Variants in UPRT observed in about 807,000 individuals in gnomAD.
The protein encoded by UPRT is uracil phosphoribosyltransferase homolog, also known as RP11-311P8.3.
UPRT carries 5 observed loss-of-function variants against 22.6 expected under a neutral mutation model. That is an observed-to-expected ratio of 0.22 (90% CI 0.12 to 0.47). The LOEUF (loss-of-function observed/expected upper bound fraction) is 0.47. Ranked by LOEUF, UPRT falls within the 20% of genes least tolerant of loss-of-function variation. UPRT has a pLI of 0.99. For synonymous variants in UPRT, 77 were observed against 87.7 expected, an observed-to-expected ratio of 0.88 and a Z score of 0.68; for missense variants, 181 against 239.9, an observed-to-expected ratio of 0.75 and a Z score of 1.62.
chrX:75,193,843 C>T (rs1050166683), intron 4 of UPRT, among the ~76,000 whole-genome samples: 2 of 111,405 alleles, frequency 1.8e-5, no homozygotes, highest in Non-Finnish European at 3.8e-5. Flanking sequence ...TTTCATCTAT[C>T]AGCTTCTGTA....
intron 4 of UPRT, among the ~76,000 whole-genome samples, chrX:75,184,556 G>A (rs1347112935): frequency 1.9e-5 from 2 of 108,085 alleles, no homozygotes; most frequent in Non-Finnish European, 3.8e-5. Flanking sequence ...TTCCAATTCT[G>A]TGAAGAAAGG....
intron 4 of UPRT, among the ~76,000 whole-genome samples, chrX:75,205,998 AGTT>A (rs1404910945): frequency 9.0e-6 from 1 of 111,635 alleles, no homozygotes; most frequent in Non-Finnish European, 1.9e-5. Flanking sequence ...GAGTTTGGTT[AGTT>A]GTTGTTTTAA....
chrX:75,212,817 T>C (rs1189035424), intron 4 of UPRT, among the ~76,000 whole-genome samples: 1 of 111,324 alleles, frequency 9.0e-6, no homozygotes, highest in Non-Finnish European at 1.9e-5. Context: ...AACATCAGGG[T>C]AAATAGCTAA....
chrX:75,183,613 G>A (rs1480460718), intron 4 of UPRT, among the ~76,000 whole-genome samples: 4 of 111,909 alleles, frequency 3.6e-5, no homozygotes, highest in Non-Finnish European at 7.5e-5. Flanking sequence ...CTTCCAAAAT[G>A]ATTGAACTAC....
chrX:75,236,466 AC>A (rs1199336793), intron 4 of UPRT, among the ~76,000 whole-genome samples: 1 of 111,678 alleles, frequency 9.0e-6, no homozygotes, highest in Non-Finnish European at 1.9e-5. Flanking sequence ...TTCATATGGA[AC>A]CAAAAAGGAG....
intron 1 of UPRT, among the ~76,000 whole-genome samples, chrX:75,284,982 G>A (rs1035133706): frequency 3.2e-4 from 36 of 111,141 alleles, no homozygotes; most frequent in African/African-American, 8.5e-4. Context: ...TGTGGCTGCC[G>A]TAGGGGATGG....
chrX:75,186,910 G>A (rs1315562464), intron 4 of UPRT, among the ~76,000 whole-genome samples: 1 of 111,532 alleles, frequency 9.0e-6, no homozygotes, highest in East Asian at 2.8e-4. Context: ...TTGAGCCTAT[G>A]TGTGTCTCTG....
intron 4 of UPRT, among the ~76,000 whole-genome samples, chrX:75,173,355 C>T (rs2082235389): frequency 9.0e-6 from 1 of 110,974 alleles, no homozygotes; most frequent in Non-Finnish European, 1.9e-5. Context: ...ATTTACAATC[C>T]TTGAGCTAGA....
intron 4 of UPRT, among the ~76,000 whole-genome samples, chrX:75,190,387 C>T (rs187640736): frequency 1.3e-4 from 14 of 111,881 alleles, no homozygotes; most frequent in Non-Finnish European, 2.6e-4. Context: ...GTAACCCGAC[C>T]TTTCTCTCTG....
chrX:75,247,394 T>A (rs2082510523), intron 4 of UPRT, among the ~76,000 whole-genome samples: 1 of 111,601 alleles, frequency 9.0e-6, no homozygotes, highest in African/African-American at 3.3e-5. Flanking sequence ...ATAATGTCCT[T>A]TTCCAATGGG....
chrX:75,303,309 C>T (rs959631824), intron 6 of UPRT, 96 bp from the exon 7 acceptor site: 2 of 587,480 alleles, frequency 3.4e-6, no homozygotes, highest in East Asian at 7.0e-5. Context: ...TCTGTCTTCT[C>T]TCAATTTTAG....
intron 4 of UPRT, among the ~76,000 whole-genome samples, chrX:75,186,209 C>G (rs1207782932): frequency 9.0e-6 from 1 of 110,554 alleles, no homozygotes; most frequent in East Asian, 2.8e-4. Flanking sequence ...CCCAGAGATT[C>G]TGGTATGGTG....
intron 4 of UPRT, among the ~76,000 whole-genome samples, chrX:75,186,121 C>G: frequency 9.0e-6 from 1 of 110,838 alleles, no homozygotes; most frequent in East Asian, 2.8e-4. Context: ...GTTAGGGTGT[C>G]AATTTTGGAT....
At chrX:75,254,698 A>T (rs752712678) in intron 4 of UPRT, among the ~76,000 whole-genome samples, 1 of 111,511 alleles carries the variant, frequency 9.0e-6, no homozygotes, top group African/African-American at 3.2e-5. Flanking sequence ...AATTCGCCTC[A>T]AAAAGATCAT....
intron 4 of UPRT, among the ~76,000 whole-genome samples, chrX:75,235,536 C>G (rs898076450): frequency 9.0e-6 from 1 of 111,684 alleles, no homozygotes; most frequent in African/African-American, 3.3e-5. Context: ...AACATTGATG[C>G]AAAAATCCTC....
At chrX:75,303,376 C>A in intron 6 of UPRT, 29 bp from the exon 7 acceptor site, 1 of 1,131,001 alleles carries the variant, frequency 8.8e-7, no homozygotes, top group Non-Finnish European at 1.2e-6. Context: ...CCAAAACATC[C>A]TACCATAATA....
chrX:75,182,203 G>A (rs978418501), intron 4 of UPRT, among the ~76,000 whole-genome samples: 3 of 112,206 alleles, frequency 2.7e-5, no homozygotes, highest in African/African-American at 9.7e-5. Context: ...TGGGGATAAA[G>A]CGTACTTGAT....
At chrX:75,262,935 C>G (rs1359643467) in intron 4 of UPRT, among the ~76,000 whole-genome samples, 1 of 111,469 alleles carries the variant, frequency 9.0e-6, no homozygotes, top group African/African-American at 3.3e-5. Flanking sequence ...GACTTGAACT[C>G]AGCTCTGGAC....
At chrX:75,234,612 G>A (rs1157628263) in intron 4 of UPRT, among the ~76,000 whole-genome samples, 1 of 111,360 alleles carries the variant, frequency 9.0e-6, no homozygotes, top group Non-Finnish European at 1.9e-5. Context: ...CAATCAAACT[G>A]GAACTCAGGA....
Sources: gnomAD v4.1 joint callset for allele counts (sites outside exome capture counted in the v4.1 genomes callset) on GRCh38, gnomAD v4.1.1 for gene constraint, MANE v1.5 for transcripts, NCBI Gene and HGNC (gene_info 2026-07-23, HGNC 2026-07-21) for gene names.